Variants in ZDHHC21 observed in about 807,000 individuals in gnomAD.
ZDHHC21 encodes the protein zDHHC palmitoyltransferase 21.
A neutral mutation model predicts 34.6 loss-of-function variants in ZDHHC21; 15 were observed. The observed-to-expected ratio is 0.43, with a 90% CI of 0.29 to 0.67. The LOEUF (loss-of-function observed/expected upper bound fraction) is 0.67, where lower values mean the gene tolerates loss of function less well. Among genes scored for constraint, ZDHHC21 ranks in the 30% least tolerant of loss-of-function variants. The pLI is 0.14. For synonymous variants in ZDHHC21, 142 were observed against 101.8 expected (o/e 1.40, Z -2.38); for missense variants, 344 against 327.7 (o/e 1.05, Z -0.38).
At chr9:14,623,265 G>A (rs1447605897) in intron 8 of ZDHHC21, among the ~76,000 whole-genome samples, 1 of 152,068 alleles carries the variant, frequency 6.6e-6, no homozygotes, top group Non-Finnish European at 1.5e-5. Context: ...GTAATTACAG[G>A]ACTTTGGGAG....
chr9:14,674,263 G>A lies in ZDHHC21; in HGVS notation c.78C>T (p.Tyr26=), dbSNP rs1400919126. The A allele has an allele frequency of 1.9e-6, 3 of 1,598,498 alleles. No homozygotes were observed. Among genetic ancestry groups the A allele is most frequent in the Non-Finnish European group, 2.6e-6 (3 of 1,173,956 alleles). ...CAATTTTGGGAATTAAAACAATATT[G>A]TATAACCAAACAAAGACAATCAAAC... ...CMGLIVFVWL[Y]NIVLIPKIVL... is the part of the protein sequence containing the mutation. The change falls in exon 4 of 10, where the codon TAC becomes TAT. Residue 26 remains tyrosine (Y), a synonymous_variant. Coordinates refer to ENST00000380916, the MANE Select transcript of ZDHHC21 (RefSeq NM_178566.6).
intron 5 of ZDHHC21, among the ~76,000 whole-genome samples, chr9:14,663,405 G>C (rs753085610): frequency 4.3e-4 from 65 of 149,548 alleles, no homozygotes; most frequent in African/African-American, 1.6e-3. Flanking sequence ...CATATGAAAA[G>C]TCTAAAATCA....
At chr9:14,601,417 A>G in the ZDHHC21 span, among the ~76,000 whole-genome samples, 1 of 151,680 alleles carries the variant, frequency 6.6e-6, no homozygotes, top group African/African-American at 2.4e-5. Flanking sequence ...ACTGGTCATT[A>G]GAGAAATGCA....
At chr9:14,652,486 C>A (rs558091513) in intron 7 of ZDHHC21, among the ~76,000 whole-genome samples, 1 of 151,622 alleles carries the variant, frequency 6.6e-6, no homozygotes, top group Non-Finnish European at 1.5e-5. Context: ...TTTGAACGTT[C>A]GTGATAAAAG....
rs767170751 is a variant in ZDHHC21, at chr9:14,615,547, T to C, written c.*3419A>G. On this transcript the variant is annotated 3_prime_UTR_variant, in exon 10 of 10. Transcript: ENST00000380916. The stretch of plus-strand genomic sequence containing the variant: ...AATACAACTCTTAAGCAAAATAGTA[T>C]TTTTATTATAATGAAACATCAGCTA... The C allele has an allele frequency of 1.3e-5, 2 of 151,788 alleles. No homozygotes were observed. Among genetic ancestry groups the C allele is most frequent in the Non-Finnish European group, 3.0e-5 (2 of 67,772 alleles). 9.4% of individuals were successfully genotyped at this position (151,788 alleles called of 1,614,324 possible).
At chr9:14,601,208 C>T in the ZDHHC21 span, among the ~76,000 whole-genome samples, 3 of 152,236 alleles carry the variant, frequency 2.0e-5, no homozygotes, top group South Asian at 6.2e-4. Flanking sequence ...TCAGGGTGAA[C>T]AGGCAACCTA....
At chr9:14,602,942 A>G in the ZDHHC21 span, among the ~76,000 whole-genome samples, 1 of 150,630 alleles carries the variant, frequency 6.6e-6, no homozygotes, top group African/African-American at 2.4e-5. Flanking sequence ...AAAAAAAAAA[A>G]AAAAAAAAAA....
At chr9:14,661,202 G>A (rs1237654968) in intron 6 of ZDHHC21, among the ~76,000 whole-genome samples, 1 of 151,978 alleles carries the variant, frequency 6.6e-6, no homozygotes, top group Non-Finnish European at 1.5e-5. Flanking sequence ...CCTATTTCAG[G>A]AAATTATCTT....
chr9:14,622,264 C>G lies in ZDHHC21; in HGVS notation c.622-2582G>C, dbSNP rs34134023. Among the ~76,000 whole-genome samples, 687 of 152,090 alleles carry G rather than the reference C, an allele frequency of 4.5e-3. 2 individuals carry two copies. Among genetic ancestry groups the G allele is most frequent in the Non-Finnish European group, 7.0e-3 (477 of 67,974 alleles). On this transcript the variant is annotated intron_variant, in intron 8 of 9. Transcript: ENST00000380916. ...AATGAACTAGAAACAGCAAGACATACAGAAATATAGGCCCTACCTATTTTA... is the reference window on the plus strand; with the variant it reads ...AATGAACTAGAAACAGCAAGACATAGAGAAATATAGGCCCTACCTATTTTA...
At chr9:14,685,704 G>A (rs1838196955) in intron 2 of ZDHHC21, among the ~76,000 whole-genome samples, 1 of 152,072 alleles carries the variant, frequency 6.6e-6, no homozygotes, top group Non-Finnish European at 1.5e-5. Context: ...CCATTACTGG[G>A]TATATACCCA....
At chr9:14,682,706 C>G (rs1169369847) in intron 2 of ZDHHC21, among the ~76,000 whole-genome samples, 1 of 152,180 alleles carries the variant, frequency 6.6e-6, no homozygotes, top group Non-Finnish European at 1.5e-5. Flanking sequence ...ATCTACAGAA[C>G]TCTCCACCTC....
chr9:14,640,304 T>TA (rs1829096273), intron 7 of ZDHHC21, among the ~76,000 whole-genome samples: 1 of 106,552 alleles, frequency 9.4e-6, no homozygotes, highest in Non-Finnish European at 2.0e-5. Context: ...GAACCTATTT[T>TA]GGGGAAAAAA....
In ZDHHC21 at chr9:14,611,728, G is replaced by A. The variant is rs1000170784; in HGVS notation, c.*7238C>T. ...CACACAAAAAAACACTAATTCCAGGGACACAAAGTGAGCTCATACAGCATG... is the reference window on the plus strand; with the variant it reads ...CACACAAAAAAACACTAATTCCAGGAACACAAAGTGAGCTCATACAGCATG... On this transcript the variant is annotated 3_prime_UTR_variant, in exon 10 of 10. Coordinates refer to ENST00000380916, the MANE Select transcript of ZDHHC21 (RefSeq NM_178566.6). 6 of 151,842 alleles carry A rather than the reference G, an allele frequency of 4.0e-5. No individual in the cohort carries two copies. The highest frequency in any genetic ancestry group is 1.5e-4 in the African/African-American group (6 of 41,376). The allele number at this position is 151,842 out of a possible 1,614,324, so 9.4% of individuals were successfully genotyped here. A position where few individuals can be genotyped will look rare whatever the true frequency, so the allele number is the denominator to read the frequency against.
rs188039616 is a variant in ZDHHC21 at position 14,611,581 on chromosome 9, T to C, written c.*7385A>G. ...GGATCTTCTTATGCCACTTGTAACATACCACTATTAAAAGCATTTTAGGGA... is the reference window on the plus strand; with the variant it reads ...GGATCTTCTTATGCCACTTGTAACACACCACTATTAAAAGCATTTTAGGGA... On this transcript the variant is annotated 3_prime_UTR_variant, in exon 10 of 10. Transcript: ENST00000380916. 6.6e-6 allele frequency: 1 copy of C among 152,158 alleles called. No homozygotes were observed. Among genetic ancestry groups the C allele is most frequent in the African/African-American group, 2.4e-5 (1 of 41,550 alleles). 9.4% of individuals were successfully genotyped at this position (152,158 alleles called of 1,614,324 possible).
At chr9:14,591,476 T>C in the ZDHHC21 span, among the ~76,000 whole-genome samples, 1 of 152,118 alleles carries the variant, frequency 6.6e-6, no homozygotes, top group Admixed American at 6.6e-5. Context: ...GAACTATAAA[T>C]ACATTTCTGT....
At chr9:14,604,145 T>C in the ZDHHC21 span, among the ~76,000 whole-genome samples, 3 of 152,042 alleles carry the variant, frequency 2.0e-5, no homozygotes, top group African/African-American at 7.2e-5. Flanking sequence ...GATGAAACAA[T>C]ATATATGTTG....
chr9:14,641,532 C>CA (rs1257752356), intron 7 of ZDHHC21, among the ~76,000 whole-genome samples: 3 of 152,064 alleles, frequency 2.0e-5, no homozygotes, highest in Non-Finnish European at 4.4e-5. Flanking sequence ...TAGATGAACA[C>CA]AAAAAATTGT....
chr9:14,632,058 CACACAA>C (rs1234358260), intron 8 of ZDHHC21, among the ~76,000 whole-genome samples: 1,993 of 148,616 alleles, frequency 0.013, 33 homozygotes, highest in African/African-American at 0.036. Flanking sequence ...AGTTAAAACA[CACACAA>C]ACACACACAC....
chr9:14,605,576 G>A, the ZDHHC21 span, among the ~76,000 whole-genome samples: 1 of 151,986 alleles, frequency 6.6e-6, no homozygotes, highest in Non-Finnish European at 1.5e-5. Context: ...AGCTCGTTTT[G>A]TATTTTGATT....
Sources: gnomAD v4.1 joint callset for allele counts (sites outside exome capture counted in the v4.1 genomes callset) on GRCh38, gnomAD v4.1.1 for gene constraint, MANE v1.5 for transcripts, NCBI Gene and HGNC (gene_info 2026-07-23, HGNC 2026-07-21) for gene names.